The following RBFOX1 variants were observed in gnomAD, a reference collection of about 807,000 sequenced individuals.
RBFOX1 encodes the protein RNA binding protein fox-1 homolog 1.
Under a neutral mutation model 57.7 loss-of-function variants are expected in RBFOX1, and 8 were observed. That is an observed-to-expected ratio of 0.14 (90% CI 0.08 to 0.25). RBFOX1 has a LOEUF of 0.25. Among genes scored for constraint, RBFOX1 ranks in the 10% least tolerant of loss-of-function variants. The pLI is 1.00. For missense variants in RBFOX1, 611 were observed against 548.5 expected, an observed-to-expected ratio of 1.11 and a Z score of -1.14; for synonymous variants, 326 against 222.4, an observed-to-expected ratio of 1.47 and a Z score of -4.15.
intron 3 of RBFOX1, among the ~76,000 whole-genome samples, chr16:6,907,650 A>G (rs1233997035): frequency 6.6e-6 from 1 of 152,166 alleles, no homozygotes; most frequent in Non-Finnish European, 1.5e-5. Context: ...GGCTCACTGC[A>G]GCCTCTGCCT....
intron 3 of RBFOX1, among the ~76,000 whole-genome samples, chr16:6,994,992 A>T (rs1398258108): frequency 2.1e-5 from 3 of 144,714 alleles, no homozygotes; most frequent in Non-Finnish European, 3.0e-5. Flanking sequence ...TGTATTTAAA[A>T]ATGTGTTTGC....
At chr16:6,389,382 A>C (rs911523671) in intron 2 of RBFOX1, among the ~76,000 whole-genome samples, 1 of 151,944 alleles carries the variant, frequency 6.6e-6, no homozygotes. Flanking sequence ...TTCTTTCAAC[A>C]CTCTTCGATC....
chr16:5,485,172 C>G (rs1339372590), intron 2 of RBFOX1, among the ~76,000 whole-genome samples: 2 of 151,602 alleles, frequency 1.3e-5, no homozygotes, highest in African/African-American at 4.8e-5. Context: ...TGGAGAAACC[C>G]CGTCTCTACT....
At chr16:6,626,658 G>T (rs1340266087) in intron 2 of RBFOX1, among the ~76,000 whole-genome samples, 1 of 152,120 alleles carries the variant, frequency 6.6e-6, no homozygotes, top group Non-Finnish European at 1.5e-5. Flanking sequence ...TACTCAGGAG[G>T]CTGAGGCAGG....
At chr16:5,494,821 A>C (rs756524334) in intron 2 of RBFOX1, among the ~76,000 whole-genome samples, 2 of 152,184 alleles carry the variant, frequency 1.3e-5, no homozygotes, top group African/African-American at 4.8e-5. Flanking sequence ...CAGAGATGAA[A>C]ATGATCACGA....
chr16:7,166,495 C>G (rs145070367), intron 4 of RBFOX1, among the ~76,000 whole-genome samples: 3 of 151,990 alleles, frequency 2.0e-5, no homozygotes, highest in Non-Finnish European at 2.9e-5. Flanking sequence ...GTAGGAAGAT[C>G]AGAGGTTGGA....
intron 1 of RBFOX1, among the ~76,000 whole-genome samples, chr16:6,110,119 G>A (rs1313934374): frequency 6.6e-6 from 1 of 151,406 alleles, no homozygotes; most frequent in Non-Finnish European, 1.5e-5. Flanking sequence ...TACTGTCTAT[G>A]GATAAGTACA....
At chr16:7,037,652 G>T (rs1167974174) in intron 3 of RBFOX1, among the ~76,000 whole-genome samples, 1 of 152,298 alleles carries the variant, frequency 6.6e-6, no homozygotes, top group African/African-American at 2.4e-5. Context: ...TCTTCTAATT[G>T]CTTTGCAAAT....
At chr16:5,585,091 C>T (rs576407783) in intron 2 of RBFOX1, among the ~76,000 whole-genome samples, 27 of 152,070 alleles carry the variant, frequency 1.8e-4, no homozygotes, top group African/African-American at 2.2e-4. Context: ...GTTGTACAGC[C>T]GTCACCTCTA....
intron 3 of RBFOX1, among the ~76,000 whole-genome samples, chr16:5,765,909 T>G (rs1249948153): frequency 6.6e-6 from 1 of 152,190 alleles, no homozygotes; most frequent in African/African-American, 2.4e-5. Context: ...GTGAGGTATC[T>G]GCAGTCTCTG....
intron 3 of RBFOX1, among the ~76,000 whole-genome samples, chr16:6,904,929 A>G (rs1567810118): frequency 6.6e-6 from 1 of 152,198 alleles, no homozygotes; most frequent in Non-Finnish European, 1.5e-5. Context: ...CAACAAAACT[A>G]CAATTTGCTG....
chr16:6,567,408 G>C (rs1408267690), intron 2 of RBFOX1, among the ~76,000 whole-genome samples: 2 of 152,166 alleles, frequency 1.3e-5, no homozygotes, highest in Non-Finnish European at 2.9e-5. Context: ...TCTGTCCCTA[G>C]ATAGCCTCTT....
intron 1 of RBFOX1, chr16:6,038,863 C>G (rs1231508801): frequency 6.7e-6 from 1 of 149,874 alleles, no homozygotes; most frequent in Non-Finnish European, 1.5e-5. Context: ...AGTTGAATGG[C>G]TGTGTTTTTA....
intron 4 of RBFOX1, among the ~76,000 whole-genome samples, chr16:7,278,152 G>T (rs550523455): frequency 1.3e-5 from 2 of 152,128 alleles, no homozygotes; most frequent in Admixed American, 6.5e-5. Flanking sequence ...GGTAAATTCT[G>T]TGCACGTGGT....
chr16:5,649,359 G>A (rs1418330886), intron 3 of RBFOX1, among the ~76,000 whole-genome samples: 3 of 152,104 alleles, frequency 2.0e-5, no homozygotes, highest in South Asian at 2.1e-4. Context: ...TAGTACAGAC[G>A]GGGTTTCGCC....
chr16:6,459,453 C>G (rs961729444), intron 2 of RBFOX1, among the ~76,000 whole-genome samples: 2 of 152,160 alleles, frequency 1.3e-5, no homozygotes, highest in Non-Finnish European at 2.9e-5. Flanking sequence ...AAGAATTTAT[C>G]AAGCTTCAAA....
intron 4 of RBFOX1, among the ~76,000 whole-genome samples, chr16:7,253,318 G>T (rs7189683): frequency 1.3e-5 from 2 of 152,180 alleles, no homozygotes; most frequent in South Asian, 2.1e-4. Context: ...GTTGATGTCA[G>T]TGGCAACAAG....
Position 6,548,167 on chromosome 16 carries a change from T to A in RBFOX1, c.-63-106436T>A, listed in dbSNP as rs574449773. ...AATGTGTCACTTTACTGACATGCCT[T>A]GAATATTGTGAGTCTTGGGTATTGC... On this transcript the variant is annotated intron_variant, in intron 2 of 15. Coordinates refer to ENST00000550418, the MANE Select transcript of RBFOX1 (RefSeq NM_018723.4). Among the ~76,000 whole-genome samples, 307 of 152,340 alleles carry A rather than the reference T, an allele frequency of 2.0e-3. 1 individual carries two copies. The Middle Eastern group carries it at 0.02, about 10-fold the overall frequency.
chr16:5,561,173 A>T (rs1000743041), intron 2 of RBFOX1, among the ~76,000 whole-genome samples: 8 of 152,096 alleles, frequency 5.3e-5, no homozygotes, highest in Admixed American at 3.9e-4. Flanking sequence ...TTGCTGCCTG[A>T]TCCTTCATCC....
Sources: gnomAD v4.1 joint callset for allele counts (sites outside exome capture counted in the v4.1 genomes callset) on GRCh38, gnomAD v4.1.1 for gene constraint, MANE v1.5 for transcripts, NCBI Gene and HGNC (gene_info 2026-07-23, HGNC 2026-07-21) for gene names.